The following ZBBX variants were observed in gnomAD, a reference collection of about 807,000 sequenced individuals.
ZBBX encodes zinc finger B-box domain-containing protein 1.
Under a neutral mutation model 108.5 loss-of-function variants are expected in ZBBX, and 101 were observed. The ratio of observed to expected loss-of-function variants is 0.93; its 90% CI spans 0.79 to 1.10. The LOEUF (loss-of-function observed/expected upper bound fraction) is 1.10. Among genes scored for constraint, ZBBX ranks in the 50% least tolerant of loss-of-function variants. The probability of loss-of-function intolerance (pLI) is 0.00; values close to 1 mark genes in which losing one functional copy is unlikely to be tolerated. For synonymous variants in ZBBX, 356 were observed against 323.4 expected (o/e 1.10, Z -1.08); for missense variants, 1,009 against 941.4 (o/e 1.07, Z -0.94).
chr3:167,181,547 G>A, the ZBBX span, among the ~76,000 whole-genome samples: 1 of 152,126 alleles, frequency 6.6e-6, no homozygotes, highest in African/African-American at 2.4e-5. Flanking sequence ...TTCTTTCCCT[G>A]AATAGTTGTT....
chr3:167,205,068 G>A, the ZBBX span, among the ~76,000 whole-genome samples: 1 of 152,152 alleles, frequency 6.6e-6, no homozygotes, highest in African/African-American at 2.4e-5. Context: ...GGCACAACAT[G>A]AGATAACCCA....
intron 11 of ZBBX, 148 bp from the exon 12 acceptor site, chr3:167,322,385 C>A: frequency 1.7e-6 from 1 of 571,938 alleles, no homozygotes; most frequent in Admixed American, 4.5e-5. Context: ...TTAAATAATG[C>A]AAAAGTATTA....
chr3:167,350,423 C>T lies in ZBBX; in HGVS notation c.525G>A (p.Leu175=), dbSNP rs745682733. 2.5e-6 allele frequency: 4 copies of T among 1,588,434 alleles called. No individual in the cohort carries two copies. The East Asian group carries it at 6.8e-5, about 27-fold the overall frequency. Residue 175 remains leucine (L), a synonymous_variant, in exon 9 of 22, where the codon TTG becomes TTA. Transcript: ENST00000675490. Reference sequence around the variant, plus strand: ...AAATCATTTTAGAAAGCCATACCTGCAAAAGAGTTGTTCTGTGGAGCTTTA... The same window carrying T: ...AAATCATTTTAGAAAGCCATACCTGTAAAAGAGTTGTTCTGTGGAGCTTTA... ...GALKLHRTTL[L]QAKSQILFNV... is the part of the protein sequence containing the mutation.
chr3:167,180,637 A>G, the ZBBX span, among the ~76,000 whole-genome samples: 1 of 152,234 alleles, frequency 6.6e-6, no homozygotes, highest in Non-Finnish European at 1.5e-5. Flanking sequence ...TGCTTGCCCT[A>G]TATAAGTCTG....
chr3:167,255,163 C>T (rs10936522), intron 20 of ZBBX, among the ~76,000 whole-genome samples: 109,158 of 151,776 alleles, frequency 0.72, 39,447 homozygotes, highest in East Asian at 0.83. Flanking sequence ...TAAACTGAAC[C>T]AAACAAAAGT....
At chr3:167,395,341 T>C (rs1408779357) in intron 1 of ZBBX, among the ~76,000 whole-genome samples, 1 of 152,090 alleles carries the variant, frequency 6.6e-6, no homozygotes, top group Non-Finnish European at 1.5e-5. Context: ...CTAACTGGTT[T>C]TACTTGCAAT....
intron 9 of ZBBX, among the ~76,000 whole-genome samples, chr3:167,343,264 G>A (rs369705762): frequency 6.6e-6 from 1 of 151,802 alleles, no homozygotes; most frequent in Admixed American, 6.6e-5. Flanking sequence ...AAACATCACA[G>A]AAATACTCAC....
chr3:167,358,119 T>C (rs1743893085), intron 8 of ZBBX, among the ~76,000 whole-genome samples: 1 of 151,898 alleles, frequency 6.6e-6, no homozygotes, highest in Non-Finnish European at 1.5e-5. Context: ...TATACATATG[T>C]AACTAACCTG....
intron 1 of ZBBX, chr3:167,399,688 T>C (rs1308531395): frequency 2.0e-5 from 3 of 152,162 alleles, no homozygotes; most frequent in African/African-American, 7.2e-5. Context: ...GTATTCATAG[T>C]GACACAGAAT....
At chr3:167,249,371 C>T (rs1722169403) in intron 20 of ZBBX, among the ~76,000 whole-genome samples, 1 of 152,124 alleles carries the variant, frequency 6.6e-6, no homozygotes, top group Non-Finnish European at 1.5e-5. Context: ...TTGCAAGGGG[C>T]AAGCTCAAGC....
At chr3:167,242,080 A>C (rs1002500350) in intron 21 of ZBBX, among the ~76,000 whole-genome samples, 4 of 152,172 alleles carry the variant, frequency 2.6e-5, no homozygotes, top group Admixed American at 2.6e-4. Context: ...TGTTATTGTT[A>C]ATTTTCTAGG....
At chr3:167,222,904 A>C in the ZBBX span, among the ~76,000 whole-genome samples, 16 of 150,432 alleles carry the variant, frequency 1.1e-4, no homozygotes, top group Admixed American at 8.6e-4. Flanking sequence ...ATTTAACAAC[A>C]ATGTGTCGTA....
At chr3:167,330,731 G>A (rs1346166132) in intron 10 of ZBBX, among the ~76,000 whole-genome samples, 1 of 150,828 alleles carries the variant, frequency 6.6e-6, no homozygotes, top group Non-Finnish European at 1.5e-5. Context: ...TCTAGTCTGT[G>A]CAACAGAGCA....
At chr3:167,252,811 T>C (rs1722845374) in intron 20 of ZBBX, among the ~76,000 whole-genome samples, 1 of 147,896 alleles carries the variant, frequency 6.8e-6, no homozygotes, top group Non-Finnish European at 1.5e-5. Context: ...TTTTTAAAAA[T>C]GGAAAAGCTG....
the ZBBX span, among the ~76,000 whole-genome samples, chr3:167,228,931 T>C: frequency 2.6e-5 from 4 of 151,900 alleles, 1 homozygote; most frequent in African/African-American, 9.6e-5. Context: ...TTTTCCACCC[T>C]GTTACCACTA....
intron 20 of ZBBX, among the ~76,000 whole-genome samples, chr3:167,263,432 T>C (rs1011352518): frequency 9.9e-5 from 15 of 152,238 alleles, no homozygotes; most frequent in African/African-American, 3.6e-4. Flanking sequence ...ATTTACATTA[T>C]CATTTGTTTC....
At chr3:167,314,691 G>T (rs117053149) in intron 15 of ZBBX, among the ~76,000 whole-genome samples, 1 of 152,036 alleles carries the variant, frequency 6.6e-6, no homozygotes, top group African/African-American at 2.4e-5. Context: ...AACCGAAAAG[G>T]CCCTCTTGTG....
the ZBBX span, among the ~76,000 whole-genome samples, chr3:167,197,419 T>A: frequency 1.3e-5 from 2 of 151,966 alleles, no homozygotes; most frequent in Non-Finnish European, 2.9e-5. Context: ...GCGCCTGTAG[T>A]CCCAGCTACT....
chr3:167,183,407 T>G, the ZBBX span, among the ~76,000 whole-genome samples: 1 of 152,124 alleles, frequency 6.6e-6, no homozygotes, highest in Non-Finnish European at 1.5e-5. Flanking sequence ...TCAAGCCCCA[T>G]GTATGGGCAC....
Sources: allele counts gnomAD v4.1 joint callset (sites outside exome capture counted in the v4.1 genomes callset), GRCh38; gene constraint gnomAD v4.1.1; transcripts MANE v1.5; gene names NCBI Gene and HGNC (gene_info 2026-07-23, HGNC 2026-07-21).